Variants in TTC28 observed in about 807,000 individuals in gnomAD.
TTC28 encodes the protein tetratricopeptide repeat domain 28.
Under a neutral mutation model 198.0 loss-of-function variants are expected in TTC28, and 61 were observed. That is an observed-to-expected ratio of 0.31 (90% CI 0.25 to 0.38). TTC28 has a LOEUF of 0.38. Ranked by LOEUF, TTC28 falls within the 10% of genes least tolerant of loss-of-function variation. The pLI is 1.00. For missense variants in TTC28, 2,678 were observed against 3,164.0 expected (o/e 0.85, Z 3.69); for synonymous variants, 1,171 against 1,297.8 (o/e 0.90, Z 2.10).
intron 2 of TTC28, among the ~76,000 whole-genome samples, chr22:28,395,660 C>A (rs1435139496): frequency 6.7e-6 from 1 of 150,216 alleles, no homozygotes; most frequent in Non-Finnish European, 1.5e-5. Flanking sequence ...CAGCAACAAC[C>A]CCAATACTCA....
intron 5 of TTC28, among the ~76,000 whole-genome samples, chr22:28,226,291 C>G (rs943512292): frequency 1.3e-5 from 2 of 152,172 alleles, no homozygotes; most frequent in Non-Finnish European, 2.9e-5. Flanking sequence ...CTTCCATATC[C>G]TTGTCAAAAC....
intron 13 of TTC28, among the ~76,000 whole-genome samples, chr22:28,016,637 A>G (rs944815172): frequency 1.3e-5 from 2 of 152,206 alleles, no homozygotes; most frequent in African/African-American, 4.8e-5. Flanking sequence ...GCCCCCAGAC[A>G]GTGCTGTGGC....
chr22:28,232,658 C>T (rs1928901419), intron 5 of TTC28: 1 of 152,176 alleles, frequency 6.6e-6, no homozygotes, highest in Non-Finnish European at 1.5e-5. Flanking sequence ...GGTACACCAG[C>T]TAGAATCCTG....
intron 2 of TTC28, among the ~76,000 whole-genome samples, chr22:28,587,693 C>G (rs1033575941): frequency 1.3e-5 from 2 of 151,896 alleles, no homozygotes; most frequent in African/African-American, 2.4e-5. Flanking sequence ...GTGATCCCCC[C>G]ACCTTAGCCT....
chr22:28,405,629 A>C (rs2046987800), intron 2 of TTC28, among the ~76,000 whole-genome samples: 1 of 152,182 alleles, frequency 6.6e-6, no homozygotes, highest in Non-Finnish European at 1.5e-5. Context: ...AATTTCTGTG[A>C]ATTTCTCTGG....
At chr22:28,452,132 G>A (rs2047787495) in intron 2 of TTC28, among the ~76,000 whole-genome samples, 1 of 152,100 alleles carries the variant, frequency 6.6e-6, no homozygotes, top group Non-Finnish European at 1.5e-5. Context: ...GCTCACGCCT[G>A]TAATCCCAGC....
At position 28,265,665 on chromosome 22, in the gene TTC28, C is replaced by T. The variant is rs539819309; in HGVS notation, c.933+30533G>A. 1.5e-3 allele frequency among the ~76,000 whole-genome samples: 223 copies of T among 152,184 alleles called. 4 individuals carry two copies. The highest frequency in any genetic ancestry group is 9.3e-3 in the South Asian group (45 of 4,824). ...TTGACTATACAAGCTTGTTTATACG[C>T]TTAAAATTCTTGGGACAAGAATTCA... On this transcript the variant is annotated intron_variant, in intron 5 of 22. Transcript: ENST00000397906.
chr22:28,629,253 T>C (rs2051129131), intron 2 of TTC28, among the ~76,000 whole-genome samples: 1 of 151,992 alleles, frequency 6.6e-6, no homozygotes, highest in Admixed American at 6.6e-5. Flanking sequence ...AAAGAGATGT[T>C]CCAAAACCTA....
intron 6 of TTC28, among the ~76,000 whole-genome samples, chr22:28,159,548 A>G (rs1943837762): frequency 6.6e-6 from 1 of 151,460 alleles, no homozygotes; most frequent in South Asian, 2.1e-4. Flanking sequence ...AGTCCCAGCT[A>G]CCCGGGAGGC....
intron 2 of TTC28, among the ~76,000 whole-genome samples, chr22:28,356,258 G>C (rs1271631694): frequency 6.6e-6 from 1 of 152,050 alleles, no homozygotes; most frequent in African/African-American, 2.4e-5. Context: ...GTCAATTGCT[G>C]TCTACACTTC....
At chr22:28,256,778 G>A (rs904682573) in intron 5 of TTC28, among the ~76,000 whole-genome samples, 11 of 152,210 alleles carry the variant, frequency 7.2e-5, no homozygotes, top group Non-Finnish European at 2.9e-5. Context: ...AATGGCCCAT[G>A]CCGTAATCTC....
chr22:28,304,177 C>T (rs974557472), intron 3 of TTC28, among the ~76,000 whole-genome samples: 26 of 151,930 alleles, frequency 1.7e-4, no homozygotes, highest in Middle Eastern at 3.4e-3. Flanking sequence ...CCCAGCTACT[C>T]AGGAGGCTGA....
intron 2 of TTC28, among the ~76,000 whole-genome samples, chr22:28,617,361 G>T (rs1753553809): frequency 6.6e-6 from 1 of 151,790 alleles, no homozygotes; most frequent in East Asian, 1.9e-4. Context: ...AGTTAGCCAG[G>T]TGTGGTCCTG....
At chr22:28,016,355 G>A (rs1046410794) in intron 13 of TTC28, among the ~76,000 whole-genome samples, 1 of 152,196 alleles carries the variant, frequency 6.6e-6, no homozygotes, top group Non-Finnish European at 1.5e-5. Context: ...TTGCTCTCCC[G>A]AGGAGACGCT....
chr22:28,073,801 T>G (rs974966220), intron 12 of TTC28, among the ~76,000 whole-genome samples: 1 of 152,214 alleles, frequency 6.6e-6, no homozygotes, highest in African/African-American at 2.4e-5. Context: ...ATCTTAACTT[T>G]TACCATCTCG....
At chr22:27,996,288 C>T (rs1037875893) in intron 16 of TTC28, 29 bp from the exon 17 acceptor site, 52 of 1,545,624 alleles carry the variant, frequency 3.4e-5, no homozygotes, top group Non-Finnish European at 4.5e-5. Flanking sequence ...GGCACCTCAG[C>T]AGGGCAGCTG....
intron 2 of TTC28, among the ~76,000 whole-genome samples, chr22:28,485,320 A>G (rs1332842091): frequency 6.6e-6 from 1 of 152,200 alleles, no homozygotes; most frequent in African/African-American, 2.4e-5. Flanking sequence ...TTCTATACAT[A>G]TTATAAAATA....
At chr22:28,320,185 A>T (rs2045423578) in intron 2 of TTC28, among the ~76,000 whole-genome samples, 1 of 151,700 alleles carries the variant, frequency 6.6e-6, no homozygotes, top group Admixed American at 6.6e-5. Context: ...TAGGGCTGGG[A>T]GAGGATTGGT....
At chr22:28,591,357 A>C (rs1221988563) in intron 2 of TTC28, among the ~76,000 whole-genome samples, 2 of 151,794 alleles carry the variant, frequency 1.3e-5, no homozygotes, top group African/African-American at 4.8e-5. Context: ...AGAAGTATAC[A>C]ATTTTAAATA....
Sources: allele counts gnomAD v4.1 joint callset (sites outside exome capture counted in the v4.1 genomes callset), GRCh38; gene constraint gnomAD v4.1.1; transcripts MANE v1.5; gene names NCBI Gene and HGNC (gene_info 2026-07-23, HGNC 2026-07-21).